The following PITPNC1 variants were observed in gnomAD, a reference collection of about 807,000 sequenced individuals.
PITPNC1 encodes cytoplasmic phosphatidylinositol transfer protein 1.
In PITPNC1, 18 loss-of-function variants were observed where a neutral mutation model predicts 44.7. That is an observed-to-expected ratio of 0.40 (90% CI 0.28 to 0.60). The LOEUF (loss-of-function observed/expected upper bound fraction) is 0.60, where lower values mean the gene tolerates loss of function less well. PITPNC1 is among the 20% of genes least tolerant of loss of function. PITPNC1 has a pLI of 0.39. For synonymous variants in PITPNC1, 141 were observed against 149.6 expected (o/e 0.94, Z 0.42); for missense variants, 290 against 418.4 (o/e 0.69, Z 2.68).
intron 5 of PITPNC1, among the ~76,000 whole-genome samples, chr17:67,606,556 A>G (rs967494215): frequency 6.6e-6 from 1 of 152,226 alleles, no homozygotes; most frequent in East Asian, 1.9e-4. Context: ...GACGAGGCGT[A>G]AAGTGAGGAC....
intron 6 of PITPNC1, chr17:67,638,056 G>A (rs1401551694): frequency 7.9e-5 from 12 of 152,206 alleles, no homozygotes; most frequent in African/African-American, 2.7e-4. Flanking sequence ...GAGCAGGTTG[G>A]ACTGGTTATG....
chr17:67,683,162 CAAAAAA>C (rs901577194), intron 8 of PITPNC1, among the ~76,000 whole-genome samples: 2 of 41,512 alleles, frequency 4.8e-5, no homozygotes, highest in East Asian at 6.4e-4. Context: ...AACTGAGTCT[CAAAAAA>C]AAAAAAAAAA....
intron 1 of PITPNC1, among the ~76,000 whole-genome samples, chr17:67,382,036 CAGA>C (rs925295072): frequency 2.6e-5 from 4 of 152,156 alleles, no homozygotes; most frequent in African/African-American, 9.7e-5. Context: ...ATAGCCAAGC[CAGA>C]AGGAGAGCAT....
At chr17:67,401,084 A>G (rs4790978) in intron 1 of PITPNC1, among the ~76,000 whole-genome samples, 59,113 of 151,730 alleles carry the variant, frequency 0.39, 13,390 homozygotes, top group African/African-American at 0.63. Flanking sequence ...ACAAGCATGC[A>G]CCACCACACC....
Position 67,655,421 on chromosome 17 carries a change from G to A in PITPNC1, c.463-14087G>A, listed in dbSNP as rs749233098. On this transcript the variant is annotated intron_variant, in intron 6 of 8. Transcript: ENST00000581322. The stretch of plus-strand genomic sequence containing the variant: ...AAAACACAAAAAAAATTAGCCAGGC[G>A]TGGTGGCAGGCGCCTGTGGTCCCAG... Among the ~76,000 whole-genome samples the A allele has an allele frequency of 1.5e-4, 23 of 151,994 alleles. No individual in the cohort carries two copies. The South Asian group carries it at 2.7e-3, about 18-fold the overall frequency.
At chr17:67,589,228 A>G (rs2041359206) in intron 5 of PITPNC1, among the ~76,000 whole-genome samples, 1 of 152,246 alleles carries the variant, frequency 6.6e-6, no homozygotes, top group Non-Finnish European at 1.5e-5. Flanking sequence ...TAAAAAACAC[A>G]TGAGCAAAAA....
intron 1 of PITPNC1, among the ~76,000 whole-genome samples, chr17:67,423,358 G>A (rs865982741): frequency 1.3e-5 from 2 of 152,154 alleles, no homozygotes; most frequent in African/African-American, 4.8e-5. Flanking sequence ...GCCTGGCAGG[G>A]CCCTTACCTT....
At position 67,627,369 on chromosome 17, in the gene PITPNC1, A is replaced by G. The variant is rs901093077; in HGVS notation, c.367-4774A>G. On this transcript the variant is annotated intron_variant, in intron 5 of 8. Coordinates refer to ENST00000581322, the MANE Select transcript of PITPNC1 (RefSeq NM_012417.4). ...GGTACCCCACCCTGAAATATTTACTACAAAGTTCAAGTAAAGGAGCTTCCT... is the reference window on the plus strand; with the variant it reads ...GGTACCCCACCCTGAAATATTTACTGCAAAGTTCAAGTAAAGGAGCTTCCT... Among the ~76,000 whole-genome samples, 4 of 152,234 alleles carry G rather than the reference A, an allele frequency of 2.6e-5. No individual in the cohort carries two copies. The East Asian group carries it at 7.7e-4, about 29-fold the overall frequency.
chr17:67,470,526 T>C (rs973428183), intron 1 of PITPNC1, among the ~76,000 whole-genome samples: 2 of 152,212 alleles, frequency 1.3e-5, no homozygotes, highest in African/African-American at 4.8e-5. Flanking sequence ...CTTCTTTTGC[T>C]CAACACAATG....
intron 1 of PITPNC1, among the ~76,000 whole-genome samples, chr17:67,511,159 A>G (rs761662349): frequency 2.6e-5 from 4 of 152,088 alleles, no homozygotes; most frequent in Middle Eastern, 3.4e-3. Flanking sequence ...GCATCTTTCC[A>G]TCTTGGCAAG....
rs557125985 is a variant in PITPNC1 at position 67,488,158 on chromosome 17, C to T, written c.49-44644C>T. Reference sequence around the variant, plus strand: ...TCTTTAAAAATACATTGAGTCAACCCATCGCAGAAAAATACAGATTTCTCA... The same window carrying T: ...TCTTTAAAAATACATTGAGTCAACCTATCGCAGAAAAATACAGATTTCTCA... On this transcript the variant is annotated intron_variant, in intron 1 of 8. Coordinates refer to ENST00000581322, the MANE Select transcript of PITPNC1 (RefSeq NM_012417.4). Among the ~76,000 whole-genome samples the T allele has an allele frequency of 2.0e-4, 30 of 152,246 alleles. No individual in the cohort carries two copies. The South Asian group carries it at 5.4e-3, about 27-fold the overall frequency.
chr17:67,429,573 C>T (rs1412250465), intron 1 of PITPNC1, among the ~76,000 whole-genome samples: 1 of 152,022 alleles, frequency 6.6e-6, no homozygotes, highest in Non-Finnish European at 1.5e-5. Context: ...TGGCGATTGC[C>T]TATAATCGTA....
chr17:67,603,584 C>G (rs1252093783), intron 5 of PITPNC1, among the ~76,000 whole-genome samples: 1 of 152,132 alleles, frequency 6.6e-6, no homozygotes, highest in Non-Finnish European at 1.5e-5. Flanking sequence ...AGCCTTGGAG[C>G]ACGTGCTCTC....
intron 1 of PITPNC1, among the ~76,000 whole-genome samples, chr17:67,390,898 C>T (rs62084080): frequency 0.3 from 45,876 of 152,046 alleles, 8,094 homozygotes; most frequent in African/African-American, 0.49. Context: ...CACCAAGATT[C>T]TGACATCAAG....
intron 1 of PITPNC1, among the ~76,000 whole-genome samples, chr17:67,386,573 G>A (rs990288632): frequency 6.6e-6 from 1 of 152,210 alleles, no homozygotes; most frequent in Non-Finnish European, 1.5e-5. Context: ...ATGAGATGGG[G>A]AGTGGGGAAT....
At chr17:67,643,815 C>A (rs2144354355) in intron 6 of PITPNC1, among the ~76,000 whole-genome samples, 1 of 152,316 alleles carries the variant, frequency 6.6e-6, no homozygotes, top group East Asian at 1.9e-4. Context: ...TAAGTGTTCC[C>A]TTCTCTCTGC....
intron 6 of PITPNC1, chr17:67,638,657 T>C (rs949313408): frequency 1.3e-5 from 2 of 152,214 alleles, no homozygotes; most frequent in African/African-American, 2.4e-5. Flanking sequence ...CATTGATTCA[T>C]GTAATGAAAA....
chr17:67,465,672 T>C (rs2039415924), intron 1 of PITPNC1, among the ~76,000 whole-genome samples: 1 of 152,178 alleles, frequency 6.6e-6, no homozygotes, highest in African/African-American at 2.4e-5. Flanking sequence ...GGCTCCTCTC[T>C]GATGTTCGGG....
chr17:67,672,290 A>G (rs1243085515), intron 7 of PITPNC1, among the ~76,000 whole-genome samples: 1 of 152,074 alleles, frequency 6.6e-6, no homozygotes, highest in Non-Finnish European at 1.5e-5. Context: ...TGTCAGTTAA[A>G]AAGAGAATAA....
Sources: gnomAD v4.1 joint callset for allele counts (sites outside exome capture counted in the v4.1 genomes callset) on GRCh38, gnomAD v4.1.1 for gene constraint, MANE v1.5 for transcripts, NCBI Gene and HGNC (gene_info 2026-07-23, HGNC 2026-07-21) for gene names.